The following GRM8 variants were observed in gnomAD, a reference collection of about 807,000 sequenced individuals.
The protein encoded by GRM8 is glutamate metabotropic receptor 8.
GRM8 carries 47 observed loss-of-function variants against 87.2 expected under a neutral mutation model. That is an observed-to-expected ratio of 0.54 (90% CI 0.43 to 0.69). The LOEUF (loss-of-function observed/expected upper bound fraction) is 0.69. Ranked by LOEUF, GRM8 falls within the 30% of genes least tolerant of loss-of-function variation. The pLI, the probability that GRM8 is intolerant of heterozygous loss-of-function variation, is 0.00. For missense variants in GRM8, 1,019 were observed against 1,139.2 expected, an observed-to-expected ratio of 0.89 and a Z score of 1.52; for synonymous variants, 396 against 404.5, an observed-to-expected ratio of 0.98 and a Z score of 0.25.
chr7:126,831,709 G>T (rs1174989995), intron 6 of GRM8, among the ~76,000 whole-genome samples: 1 of 152,084 alleles, frequency 6.6e-6, no homozygotes, highest in Non-Finnish European at 1.5e-5. Flanking sequence ...TGCACCCACT[G>T]TCTGGCACTC....
intron 3 of GRM8, among the ~76,000 whole-genome samples, chr7:126,954,449 G>A (rs1289145256): frequency 6.6e-6 from 1 of 152,116 alleles, no homozygotes; most frequent in African/African-American, 2.4e-5. Flanking sequence ...TAGCAATATA[G>A]GGTGTCCATG....
At chr7:126,883,520 G>T (rs534620045) in intron 6 of GRM8, among the ~76,000 whole-genome samples, 2 of 152,228 alleles carry the variant, frequency 1.3e-5, no homozygotes, top group Admixed American at 6.5e-5. Context: ...GTAAAAAAGG[G>T]ATATAAGATA....
chr7:127,024,704 C>T (rs1022699352), intron 3 of GRM8, among the ~76,000 whole-genome samples: 1 of 152,050 alleles, frequency 6.6e-6, no homozygotes, highest in African/African-American at 2.4e-5. Flanking sequence ...TTCCCTCCTT[C>T]GAGTCACACT....
At chr7:126,579,520 A>G (rs1039832040) in intron 8 of GRM8, among the ~76,000 whole-genome samples, 2 of 152,224 alleles carry the variant, frequency 1.3e-5, no homozygotes, top group African/African-American at 4.8e-5. Flanking sequence ...GTGACATTTA[A>G]TAAGTCCATG....
chr7:126,730,686 G>A (rs1360897188), intron 7 of GRM8, among the ~76,000 whole-genome samples: 1 of 152,044 alleles, frequency 6.6e-6, no homozygotes, highest in Non-Finnish European at 1.5e-5. Context: ...GAAAGATATA[G>A]TGCGATAAAC....
chr7:126,830,240 A>T (rs2130390071), intron 6 of GRM8, among the ~76,000 whole-genome samples: 1 of 152,186 alleles, frequency 6.6e-6, no homozygotes, highest in East Asian at 1.9e-4. Context: ...CTGAATCTGA[A>T]TGTTGGCCTG....
chr7:126,555,662 C>A (rs1022168083), intron 8 of GRM8, among the ~76,000 whole-genome samples: 2 of 152,220 alleles, frequency 1.3e-5, no homozygotes, highest in African/African-American at 4.8e-5. Flanking sequence ...CACTTCAGAT[C>A]AGTAAATGAA....
At chr7:126,586,698 T>A (rs1352604068) in intron 8 of GRM8, among the ~76,000 whole-genome samples, 3 of 152,332 alleles carry the variant, frequency 2.0e-5, no homozygotes, top group Middle Eastern at 3.4e-3. Context: ...GATTAAAGGT[T>A]AAATGTTAGA....
At position 126,814,256 on chromosome 7, in the gene GRM8, A is replaced by T. The variant is rs185685629; in HGVS notation, c.1157-44191T>A. On this transcript the variant is annotated intron_variant, in intron 6 of 10. Coordinates refer to ENST00000339582, the MANE Select transcript of GRM8 (RefSeq NM_000845.3). ...CTTAACTTGTTTACAATCCTTTCCT[A>T]CACAGCCTCTTTATGATCTTCAACA... 2.9e-3 allele frequency among the ~76,000 whole-genome samples: 445 copies of T among 152,168 alleles called. 4 individuals are homozygous for T. Among genetic ancestry groups the T allele is most frequent in the African/African-American group, 0.01 (424 of 41,546 alleles).
intron 8 of GRM8, among the ~76,000 whole-genome samples, chr7:126,584,378 C>G (rs923041969): frequency 3.9e-5 from 6 of 152,100 alleles, no homozygotes; most frequent in Non-Finnish European, 8.8e-5. Flanking sequence ...GCACACGCCA[C>G]CATGCCCGAC....
intron 9 of GRM8, among the ~76,000 whole-genome samples, chr7:126,508,771 C>A (rs1189801857): frequency 6.6e-6 from 1 of 152,012 alleles, no homozygotes; most frequent in Non-Finnish European, 1.5e-5. Flanking sequence ...AATAAATAAT[C>A]TAGCATGTGT....
At chr7:126,998,769 A>G (rs1164098992) in intron 3 of GRM8, among the ~76,000 whole-genome samples, 1 of 151,842 alleles carries the variant, frequency 6.6e-6, no homozygotes, top group African/African-American at 2.4e-5. Flanking sequence ...AGATACAAAA[A>G]AAATGAAGAC....
chr7:126,506,318 T>C (rs1810458545), intron 9 of GRM8, among the ~76,000 whole-genome samples: 1 of 151,974 alleles, frequency 6.6e-6, no homozygotes, highest in Non-Finnish European at 1.5e-5. Context: ...TCAGTGAGCA[T>C]TTAGGTTTTC....
At chr7:126,672,241 C>CT in intron 7 of GRM8, among the ~76,000 whole-genome samples, 1 of 152,276 alleles carries the variant, frequency 6.6e-6, no homozygotes, top group African/African-American at 2.4e-5. Flanking sequence ...GTGCAAGTCA[C>CT]TTTGACACCC....
At chr7:126,822,907 T>C (rs1386046088) in intron 6 of GRM8, among the ~76,000 whole-genome samples, 1 of 152,202 alleles carries the variant, frequency 6.6e-6, no homozygotes, top group Non-Finnish European at 1.5e-5. Context: ...TGTCTCCTAG[T>C]CTTCATCCCA....
At chr7:126,868,063 C>A (rs2130873549) in intron 6 of GRM8, among the ~76,000 whole-genome samples, 1 of 152,300 alleles carries the variant, frequency 6.6e-6, no homozygotes, top group East Asian at 1.9e-4. Flanking sequence ...TCTGGGCCCC[C>A]AGCTCTCAGG....
rs555379724 is a variant in GRM8 at position 127,204,936 on chromosome 7, C to T, written c.510+37759G>A. Among the ~76,000 whole-genome samples, 10 of 152,298 alleles carry T rather than the reference C, an allele frequency of 6.6e-5. No individual in the cohort carries two copies. In the South Asian group the frequency reaches 2.1e-3, roughly 32 times the overall value. ...TACAAATGGCTTCATTTCCATTCCC[C>T]TTCGCTGTGGGAGCCTCAAGAACCA... On this transcript the variant is annotated intron_variant, in intron 2 of 10. Coordinates refer to ENST00000339582, the MANE Select transcript of GRM8 (RefSeq NM_000845.3).
intron 2 of GRM8, among the ~76,000 whole-genome samples, chr7:127,161,170 A>C (rs1793090449): frequency 6.6e-6 from 1 of 152,184 alleles, no homozygotes; most frequent in Non-Finnish European, 1.5e-5. Flanking sequence ...AAGAACCATG[A>C]ACCTGAGGTA....
Position 127,252,055 on chromosome 7 carries a change from G to A in GRM8, c.-312+742C>T, listed in dbSNP as rs975455967. ...CCATCCAGCCCACGCTCAGAGGGCGGGGGTTACCCCGACTCATCCCGGAAG... is the reference window on the plus strand; with the variant it reads ...CCATCCAGCCCACGCTCAGAGGGCGAGGGTTACCCCGACTCATCCCGGAAG... On this transcript the variant is annotated intron_variant, in intron 1 of 10. Transcript: ENST00000339582. The surrounding 1 kb of genome is among the most constrained non-coding windows in gnomAD (Gnocchi z 4.9). 6.6e-6 allele frequency: 1 copy of A among 152,138 alleles called. No homozygotes were observed. Among genetic ancestry groups the A allele is most frequent in the Non-Finnish European group, 1.5e-5 (1 of 68,042 alleles). 9.4% of individuals were successfully genotyped at this position (152,138 alleles called of 1,614,324 possible). A position where few individuals can be genotyped will look rare whatever the true frequency, so the allele number is the denominator to read the frequency against.
Sources: gnomAD v4.1 joint callset for allele counts (sites outside exome capture counted in the v4.1 genomes callset) on GRCh38, gnomAD v4.1.1 for gene constraint, Gnocchi (gnomAD v3.1) non-coding constraint, MANE v1.5 for transcripts, NCBI Gene and HGNC (gene_info 2026-07-23, HGNC 2026-07-21) for gene names.